The following CFAP58 variants were observed in gnomAD, a reference collection of about 807,000 sequenced individuals.
The protein encoded by CFAP58 is cilia and flagella associated protein 58.
CFAP58 carries 88 observed loss-of-function variants against 119.5 expected under a neutral mutation model. The ratio of observed to expected loss-of-function variants is 0.74; its 90% confidence interval spans 0.62 to 0.88. CFAP58 has a LOEUF of 0.88. CFAP58 is among the 40% of genes least tolerant of loss of function. The pLI, the probability that CFAP58 is intolerant of heterozygous loss-of-function variation, is 0.00. For synonymous variants in CFAP58, 365 were observed against 366.3 expected, an observed-to-expected ratio of 1.00 and a Z score of 0.04; for missense variants, 990 against 1,021.2, an observed-to-expected ratio of 0.97 and a Z score of 0.42.
chr10:104,446,329 T>C lies in CFAP58; in HGVS notation c.2257-1369T>C, dbSNP rs1006312767. Among the ~76,000 whole-genome samples the C allele has an allele frequency of 5.3e-5, 8 of 152,370 alleles. No individual in the cohort carries two copies. In the East Asian group the frequency reaches 1.5e-3, roughly 29 times the overall value. ...ATTATTTCTTAAATGGTGAGTATTT[T>C]TTTCATATGTGTTTTTCCCAGAGCT... On this transcript the variant is annotated intron_variant, in intron 15 of 17. Coordinates refer to ENST00000369704, the MANE Select transcript of CFAP58 (RefSeq NM_001008723.2).
At chr10:104,357,991 A>G (rs554139745) in intron 1 of CFAP58, among the ~76,000 whole-genome samples, 4 of 142,624 alleles carry the variant, frequency 2.8e-5, no homozygotes, top group South Asian at 2.2e-4. Flanking sequence ...ATGTACACAT[A>G]TATGTACACA....
chr10:104,432,780 C>A (rs376764784), intron 15 of CFAP58, among the ~76,000 whole-genome samples: 3 of 152,160 alleles, frequency 2.0e-5, no homozygotes, highest in Non-Finnish European at 4.4e-5. Context: ...GGATTACAGG[C>A]GTGAGCCACC....
intron 15 of CFAP58, among the ~76,000 whole-genome samples, chr10:104,407,629 A>G (rs1323397868): frequency 2.0e-5 from 3 of 152,216 alleles, no homozygotes; most frequent in Non-Finnish European, 2.9e-5. Context: ...AGTATTATCC[A>G]TGGTAACATG....
chr10:104,393,141 C>T (rs10509770), intron 10 of CFAP58, among the ~76,000 whole-genome samples, 188 bp from the exon 11 acceptor site: 2 of 151,940 alleles, frequency 1.3e-5, no homozygotes, highest in Non-Finnish European at 1.5e-5. Context: ...GAATATTTTG[C>T]GAGTTAATAC....
At chr10:104,387,518 C>T (rs1424707604) in intron 9 of CFAP58, among the ~76,000 whole-genome samples, 1 of 152,218 alleles carries the variant, frequency 6.6e-6, no homozygotes, top group Non-Finnish European at 1.5e-5. Context: ...GGTTGTGGGA[C>T]AAGGGGAGAG....
the CFAP58 span, among the ~76,000 whole-genome samples, chr10:104,342,666 C>CAAAAAA: frequency 7.7e-5 from 7 of 90,472 alleles, no homozygotes; most frequent in African/African-American, 2.0e-4. Flanking sequence ...CCCGTCTATA[C>CAAAAAA]AAAAAAAAAA....
At chr10:104,391,098 C>T (rs1271224684) in intron 9 of CFAP58, among the ~76,000 whole-genome samples, 2 of 152,128 alleles carry the variant, frequency 1.3e-5, no homozygotes, top group East Asian at 1.9e-4. Context: ...GGCAATTCTG[C>T]AAGTGGAAAA....
intron 15 of CFAP58, among the ~76,000 whole-genome samples, chr10:104,428,007 G>C (rs778799108): frequency 6.6e-6 from 1 of 152,182 alleles, no homozygotes; most frequent in African/African-American, 2.4e-5. Context: ...GCAAACACAC[G>C]TAAGCACATG....
intron 3 of CFAP58, among the ~76,000 whole-genome samples, chr10:104,364,427 AACACACACACACACACAC>A (rs66757511): frequency 5.6e-5 from 8 of 142,148 alleles, no homozygotes; most frequent in Non-Finnish European, 9.2e-5. Context: ...ATGTCTGTAA[AACACACACACACACACAC>A]ACACACACAC....
chr10:104,440,375 T>C (rs1205791077), intron 15 of CFAP58, among the ~76,000 whole-genome samples: 2 of 152,180 alleles, frequency 1.3e-5, no homozygotes, highest in African/African-American at 2.4e-5. Flanking sequence ...TGTGATTTGG[T>C]TGGGTCAGGA....
At chr10:104,439,784 A>T (rs1471256179) in intron 15 of CFAP58, among the ~76,000 whole-genome samples, 2 of 152,046 alleles carry the variant, frequency 1.3e-5, no homozygotes, top group East Asian at 3.9e-4. Context: ...TTATTCTTCA[A>T]CTCCAATTTT....
chr10:104,425,208 G>A (rs2012723788), intron 15 of CFAP58, among the ~76,000 whole-genome samples: 1 of 152,266 alleles, frequency 6.6e-6, no homozygotes, highest in South Asian at 2.1e-4. Flanking sequence ...GGAAGCACAT[G>A]GGCAGAATAA....
At chr10:104,405,818 A>G (rs573135877) in intron 14 of CFAP58, among the ~76,000 whole-genome samples, 27 of 152,306 alleles carry the variant, frequency 1.8e-4, no homozygotes, top group African/African-American at 6.0e-4. Context: ...ATTCCATTCA[A>G]GAATTCTAGG....
At chr10:104,389,483 T>C (rs545272986) in intron 9 of CFAP58, among the ~76,000 whole-genome samples, 50 of 152,338 alleles carry the variant, frequency 3.3e-4, no homozygotes, top group African/African-American at 1.1e-3. Context: ...TTTTTTCCTT[T>C]CTCTAACGTG....
intron 15 of CFAP58, among the ~76,000 whole-genome samples, chr10:104,407,757 C>T (rs762460305): frequency 2.0e-5 from 3 of 152,094 alleles, no homozygotes; most frequent in Non-Finnish European, 4.4e-5. Flanking sequence ...AGTGCAGTGG[C>T]GCCATCTCGG....
At chr10:104,422,838 A>G (rs539965011) in intron 15 of CFAP58, among the ~76,000 whole-genome samples, 128 of 152,326 alleles carry the variant, frequency 8.4e-4, no homozygotes, top group African/African-American at 3.0e-3. Flanking sequence ...CCCAGAGTAA[A>G]TGTGGGAGAG....
chr10:104,384,835 A>G (rs961249135), intron 9 of CFAP58, among the ~76,000 whole-genome samples: 1 of 152,184 alleles, frequency 6.6e-6, no homozygotes, highest in Admixed American at 6.5e-5. Flanking sequence ...GAGAAAAGTA[A>G]CAGGAAGTGG....
chr10:104,362,531 A>G (rs1210810344), intron 3 of CFAP58, among the ~76,000 whole-genome samples: 1 of 151,720 alleles, frequency 6.6e-6, no homozygotes, highest in Non-Finnish European at 1.5e-5. Flanking sequence ...CTCATCACCA[A>G]CCCTCCCACC....
At chr10:104,428,191 G>C (rs1410269279) in intron 15 of CFAP58, among the ~76,000 whole-genome samples, 1 of 152,160 alleles carries the variant, frequency 6.6e-6, no homozygotes, top group Non-Finnish European at 1.5e-5. Flanking sequence ...TTCCAGGAGG[G>C]AGTAGGTCAT....
Sources: gnomAD v4.1 joint callset for allele counts (sites outside exome capture counted in the v4.1 genomes callset) on GRCh38, gnomAD v4.1.1 for gene constraint, MANE v1.5 for transcripts, NCBI Gene and HGNC (gene_info 2026-07-23, HGNC 2026-07-21) for gene names.